Variants in MACF1 observed in about 807,000 individuals in gnomAD.
The protein encoded by MACF1 is microtubule actin crosslinking factor 1, also known as microtubule-actin cross-linking factor 1.
In MACF1, 193 loss-of-function variants were observed where a neutral mutation model predicts 854.8. That is an observed-to-expected ratio of 0.23 (90% confidence interval 0.20 to 0.25). The LOEUF (loss-of-function observed/expected upper bound fraction) is 0.25. Ranked by LOEUF, MACF1 falls within the 10% of genes least tolerant of loss-of-function variation. The pLI is 1.00. For missense variants in MACF1, 7,722 were observed against 8,929.1 expected (o/e 0.86, Z 5.45); for synonymous variants, 3,185 against 3,226.7 (o/e 0.99, Z 0.44).
At chr1:39,337,562 A>ATTTTTTTTTTTTTTTTTTTTTTTTTTTTT (rs35312351) in intron 38 of MACF1, among the ~76,000 whole-genome samples, 1 of 100,154 alleles carries the variant, frequency 1.0e-5, no homozygotes, top group Non-Finnish European at 1.9e-5. Flanking sequence ...AATTACTACC[A>ATTTTTTTTTTTTTTTTTTTTTTTTTTTTT]TTTTTTTTTT....
chr1:39,479,706 A>T, intron 97 of MACF1, 92 bp from the exon 98 acceptor site: 1 of 1,044,086 alleles, frequency 9.6e-7, no homozygotes, highest in Non-Finnish European at 1.4e-6. Flanking sequence ...TAACTTATAT[A>T]ACTGTTATCA....
chr1:39,303,179 G>T lies in MACF1; in HGVS notation c.2789+101G>T, dbSNP rs948827508. 12 of 1,358,082 alleles carry T rather than the reference G, an allele frequency of 8.8e-6. No individual in the cohort carries two copies. The African/African-American group carries it at 1.3e-4, about 15-fold the overall frequency. 84.1% of individuals were successfully genotyped at this position (1,358,082 alleles called of 1,614,324 possible). On this transcript the variant is annotated intron_variant, in intron 23 of 100. Transcript: ENST00000564288. The stretch of plus-strand genomic sequence containing the variant: ...CATTTGTGATGTTTTTGAACACAGT[G>T]GTAAAGTTCCTCCTGGGAGAGGCTT...
In MACF1 at chr1:39,337,922, G is replaced by A. The variant is rs181368526; in HGVS notation, c.10215+591G>A. 7.4e-3 allele frequency among the ~76,000 whole-genome samples: 1,119 copies of A among 151,998 alleles called. 10 individuals are homozygous for A. Among genetic ancestry groups the A allele is most frequent in the African/African-American group, 0.025 (1,049 of 41,466 alleles). ...GTAGCTGGGACTACAGGCGCCTGCC[G>A]CCACGCCCAGCTAATTTTTTGTATA... On this transcript the variant is annotated intron_variant, in intron 38 of 100. Transcript: ENST00000564288.
intron 58 of MACF1, chr1:39,410,128 C>T: frequency 1.7e-6 from 1 of 595,988 alleles, no homozygotes; most frequent in Non-Finnish European, 2.8e-6. Flanking sequence ...AACTTCCAGG[C>T]CTTTCTGGAG....
intron 2 of MACF1, among the ~76,000 whole-genome samples, chr1:39,234,443 A>G: frequency 7.1e-6 from 1 of 140,802 alleles, no homozygotes; most frequent in Non-Finnish European, 1.5e-5. Context: ...TCCCTCCCGG[A>G]CGGGGCGGCT....
At chr1:39,104,263 C>T (rs956553754) in intron 2 of MACF1, among the ~76,000 whole-genome samples, 2 of 152,196 alleles carry the variant, frequency 1.3e-5, no homozygotes, top group South Asian at 2.1e-4. Flanking sequence ...ATTCACTGCT[C>T]ATGGCTCCAG....
intron 15 of MACF1, among the ~76,000 whole-genome samples, chr1:39,287,974 G>C (rs1265691374): frequency 1.3e-5 from 2 of 152,074 alleles, no homozygotes; most frequent in African/African-American, 2.4e-5. Context: ...CTCTGAGTGA[G>C]AGCTTGGTGA....
rs148300193 is a variant in MACF1, at chr1:39,358,873, G to A, written c.12120G>A (p.Lys4040=). Residue 4040 remains lysine (K), a splice_region_variant and synonymous_variant, in exon 46 of 101, where the codon AAG becomes AAA. Coordinates refer to ENST00000564288, the MANE Select transcript of MACF1 (RefSeq NM_001394062.1). ...TCCAGGAGCAGCTTGCAACAACAAA[G>A]GTAAGTCAGGACACAGGCTGTGTTG... is the stretch of plus-strand genomic sequence containing the variant. ...GVLQEQLATT[K]QLQEELAEHQ... is the part of the protein sequence containing the mutation. 1.2e-5 allele frequency: 19 copies of A among 1,606,172 alleles called. No homozygotes were observed. The highest frequency in any genetic ancestry group is 6.6e-5 in the South Asian group (6 of 90,380).
chr1:39,121,639 G>T (rs1029467720), intron 2 of MACF1, among the ~76,000 whole-genome samples: 1 of 152,120 alleles, frequency 6.6e-6, no homozygotes, highest in Non-Finnish European at 1.5e-5. Context: ...GTAGAGACGG[G>T]GTTTCGCCAT....
Position 39,269,328 on chromosome 1 carries a change from G to A in MACF1, c.528+11300G>A, listed in dbSNP as rs768098068. ...TAGGACAGACTACCCCACTGATAAAGGAAATCAAGAACAATTTTCAGAGGG... is the reference window on the plus strand; with the variant it reads ...TAGGACAGACTACCCCACTGATAAAAGAAATCAAGAACAATTTTCAGAGGG... On this transcript the variant is annotated intron_variant, in intron 6 of 100. Transcript: ENST00000564288. 8.5e-6 allele frequency: 11 copies of A among 1,289,826 alleles called. No homozygotes were observed. In the South Asian group the frequency reaches 1.1e-4, roughly 13 times the overall value. 79.9% of individuals were successfully genotyped at this position (1,289,826 alleles called of 1,614,324 possible).
At chr1:39,144,237 C>A (rs749704177) in intron 2 of MACF1, among the ~76,000 whole-genome samples, 3 of 151,890 alleles carry the variant, frequency 2.0e-5, no homozygotes, top group Non-Finnish European at 4.4e-5. Flanking sequence ...CCTGCCACCA[C>A]CCCCAGCTAA....
intron 2 of MACF1, among the ~76,000 whole-genome samples, chr1:39,175,741 C>T (rs921223650): frequency 1.8e-4 from 27 of 151,456 alleles, no homozygotes; most frequent in African/African-American, 6.6e-4. Flanking sequence ...TCACTTGAGG[C>T]CAGGAGTTTG....
At chr1:39,309,867 T>G (rs995712875) in intron 24 of MACF1, among the ~76,000 whole-genome samples, 171 bp downstream of exon 24, 15 of 152,216 alleles carry the variant, frequency 9.9e-5, no homozygotes, top group African/African-American at 3.6e-4. Flanking sequence ...AGCAGCAATT[T>G]GAATGGTAAA....
At chr1:39,200,058 G>C (rs1032714421), upstream of MACF1, among the ~76,000 whole-genome samples, 1 of 151,964 alleles carries the variant, frequency 6.6e-6, no homozygotes, top group Non-Finnish European at 1.5e-5. Flanking sequence ...TTCTTGAATC[G>C]CTCCAGTCAG....
Position 39,170,544 on chromosome 1 carries a change from A to T in MACF1, c.221-60638A>T, listed in dbSNP as rs187796359. Among the ~76,000 whole-genome samples, 248 of 152,350 alleles carry T rather than the reference A, an allele frequency of 1.6e-3. 1 individual carries two copies. The highest frequency in any genetic ancestry group is 5.7e-3 in the African/African-American group (239 of 41,570). On this transcript the variant is annotated intron_variant, in intron 2 of 93. Coordinates refer to the MACF1 transcript ENST00000361689. ...TCAACAGAATTTGTGGAAGCCAGGC[A>T]GGACTCTAAGTGAGGACAAATGACA...
chr1:39,347,816 A>G (rs1647089522), intron 41 of MACF1, among the ~76,000 whole-genome samples: 1 of 152,130 alleles, frequency 6.6e-6, no homozygotes, highest in Non-Finnish European at 1.5e-5. Flanking sequence ...ATCATGGAAA[A>G]CAGTATGTAG....
At chr1:39,452,476 G>C in intron 86 of MACF1, 126 bp downstream of exon 86, 1 of 1,126,526 alleles carries the variant, frequency 8.9e-7, no homozygotes, top group African/African-American at 1.6e-5. Context: ...TTGATATTCT[G>C]AATGTTCTAT....
chr1:39,393,199 ATATAT>A (rs1557628033), intron 58 of MACF1, among the ~76,000 whole-genome samples: 10 of 112,898 alleles, frequency 8.9e-5, no homozygotes, highest in African/African-American at 4.7e-4. Flanking sequence ...AAAAAAAAAT[ATATAT>A]ATATATATAT....
chr1:39,172,665 T>C (rs1419121917), intron 2 of MACF1, among the ~76,000 whole-genome samples: 1 of 152,246 alleles, frequency 6.6e-6, no homozygotes, highest in Non-Finnish European at 1.5e-5. Flanking sequence ...TTCACCACTC[T>C]AACAGAGTCC....
Sources: allele counts gnomAD v4.1 joint callset (sites outside exome capture counted in the v4.1 genomes callset), GRCh38; gene constraint gnomAD v4.1.1; transcripts MANE v1.5; gene names NCBI Gene and HGNC (gene_info 2026-07-23, HGNC 2026-07-21).